The following FOXP1 variants were observed in gnomAD, a reference collection of about 807,000 sequenced individuals.
FOXP1 encodes forkhead box P1.
FOXP1 carries 15 observed loss-of-function variants against 98.2 expected under a neutral mutation model. The observed-to-expected ratio is 0.15, with a 90% confidence interval of 0.10 to 0.24. The LOEUF (loss-of-function observed/expected upper bound fraction) is 0.24, where lower values mean the gene tolerates loss of function less well. FOXP1 is among the 10% of genes least tolerant of loss of function. The probability of loss-of-function intolerance (pLI) is 1.00; values close to 1 mark genes in which losing one functional copy is unlikely to be tolerated. For synonymous variants in FOXP1, 371 were observed against 314.5 expected, an observed-to-expected ratio of 1.18 and a Z score of -1.90; for missense variants, 633 against 848.5, an observed-to-expected ratio of 0.75 and a Z score of 3.15.
At chr3:71,346,387 G>T (rs2077362699) in intron 4 of FOXP1, among the ~76,000 whole-genome samples, 1 of 152,154 alleles carries the variant, frequency 6.6e-6, no homozygotes, top group Non-Finnish European at 1.5e-5. Flanking sequence ...GGTGGAAGAG[G>T]CATTTTTTTC....
At chr3:71,505,206 A>G (rs2041714994) in intron 2 of FOXP1, among the ~76,000 whole-genome samples, 1 of 152,144 alleles carries the variant, frequency 6.6e-6, no homozygotes, top group Admixed American at 6.5e-5. Context: ...TCAGACCTCT[A>G]CGTTGCCTCC....
chr3:71,190,344 C>CA (rs1378910002), intron 6 of FOXP1, among the ~76,000 whole-genome samples: 1 of 151,960 alleles, frequency 6.6e-6, no homozygotes, highest in African/African-American at 2.4e-5. Flanking sequence ...GGTGTGGTGG[C>CA]ACATGTCTGT....
intron 3 of FOXP1, among the ~76,000 whole-genome samples, chr3:71,471,680 G>A (rs2089364368): frequency 1.3e-5 from 2 of 152,244 alleles, no homozygotes; most frequent in South Asian, 4.1e-4. Context: ...AAAAAAAAAG[G>A]TAGAAATGAG....
At position 70,959,313 on chromosome 3, in the gene FOXP1, G is replaced by A. The variant is rs2106856835; in HGVS notation, c.1968C>T (p.Asn656=). ...EGPLSLVTTA[N]HSPDFDHDRD... is the part of the protein sequence containing the mutation. ...TGTCATGGTCAAAATCTGGACTGTGGTTGGCTGTTGTCACTAAGGACAGGG... is the reference window on the plus strand; with the variant it reads ...TGTCATGGTCAAAATCTGGACTGTGATTGGCTGTTGTCACTAAGGACAGGG... The change falls in exon 21 of 21, where the codon AAC becomes AAT. Residue 656 remains asparagine, a synonymous_variant. Transcript: ENST00000649528. 2 of 1,613,978 alleles carry A rather than the reference G, an allele frequency of 1.2e-6. No individual in the cohort carries two copies. The highest frequency in any genetic ancestry group is 2.2e-5 in the South Asian group (2 of 91,060).
intron 4 of FOXP1, among the ~76,000 whole-genome samples, chr3:71,343,973 T>C (rs538502453): frequency 6.6e-6 from 1 of 152,350 alleles, no homozygotes; most frequent in East Asian, 1.9e-4. Flanking sequence ...AATAGATCTC[T>C]GTTTGGATAT....
intron 3 of FOXP1, among the ~76,000 whole-genome samples, chr3:71,423,395 T>C (rs1190472169): frequency 6.6e-6 from 1 of 152,128 alleles, no homozygotes; most frequent in African/African-American, 2.4e-5. Flanking sequence ...CCTGAAGCGG[T>C]GTTCCTTTGG....
chr3:71,389,846 T>C (rs944601976), intron 3 of FOXP1, among the ~76,000 whole-genome samples: 4 of 151,972 alleles, frequency 2.6e-5, no homozygotes, highest in Admixed American at 6.6e-5. Context: ...CTGTTAAATG[T>C]TGGCATTCTG....
intron 5 of FOXP1, among the ~76,000 whole-genome samples, chr3:71,297,500 A>C (rs959160940): frequency 1.6e-4 from 25 of 151,520 alleles, no homozygotes; most frequent in South Asian, 1.5e-3. Flanking sequence ...AAAAAAAAAA[A>C]AAAACAAAAC....
At chr3:71,462,261 A>G (rs762776572) in intron 3 of FOXP1, among the ~76,000 whole-genome samples, 18 of 152,228 alleles carry the variant, frequency 1.2e-4, no homozygotes, top group Non-Finnish European at 2.4e-4. Context: ...GTTATTTACC[A>G]TTTTGTTTGA....
intron 7 of FOXP1, among the ~76,000 whole-genome samples, chr3:71,097,892 G>C (rs748970343): frequency 9.2e-5 from 14 of 152,070 alleles, no homozygotes; most frequent in African/African-American, 2.7e-4. Context: ...TTTATCTTCT[G>C]GAAATGCTTG....
At chr3:71,540,262 G>A (rs79069759) in intron 2 of FOXP1, among the ~76,000 whole-genome samples, 1,658 of 152,324 alleles carry the variant, frequency 0.011, 25 homozygotes, top group African/African-American at 0.036. Context: ...AGAGTAAGCA[G>A]GAGAGGAAGC....
intron 2 of FOXP1, among the ~76,000 whole-genome samples, chr3:71,524,191 C>T (rs946284041): frequency 6.6e-6 from 1 of 151,990 alleles, no homozygotes; most frequent in African/African-American, 2.4e-5. Flanking sequence ...ATGGCAAAAC[C>T]CGTCTCTAGT....
Position 70,987,977 on chromosome 3 carries a change from T to TG in FOXP1, c.1146+16dup. 6.2e-7 allele frequency: 1 copy of TG among 1,611,086 alleles called. No individual in the cohort carries two copies. The highest frequency in any genetic ancestry group is 8.5e-7 in the Non-Finnish European group (1 of 1,177,326). On this transcript the variant is annotated intron_variant, in intron 14 of 20. Transcript: ENST00000649528. ...GTGAGTTTTGTTTTTTTCCCCTTGGTGGGGATCAATACTTACGGGCTGAGG... is the reference window on the plus strand; with the variant it reads ...GTGAGTTTTGTTTTTTTCCCCTTGGTGGGGGATCAATACTTACGGGCTGAGG...
intron 3 of FOXP1, among the ~76,000 whole-genome samples, chr3:71,448,071 C>G (rs182078276): frequency 6.6e-6 from 1 of 152,156 alleles, no homozygotes; most frequent in African/African-American, 2.4e-5. Flanking sequence ...TGCCTCTAAA[C>G]AACGCTTCCC....
At chr3:71,343,300 T>C (rs2077119571) in intron 4 of FOXP1, among the ~76,000 whole-genome samples, 1 of 152,344 alleles carries the variant, frequency 6.6e-6, no homozygotes, top group East Asian at 1.9e-4. Context: ...ATTCCTCTTC[T>C]TATGTGCATA....
chr3:71,264,737 T>TA (rs2069477699), intron 5 of FOXP1, among the ~76,000 whole-genome samples: 1 of 152,142 alleles, frequency 6.6e-6, no homozygotes, highest in African/African-American at 2.4e-5. Context: ...CAGCTGGAGG[T>TA]AAAGAATTAC....
intron 2 of FOXP1, chr3:71,572,908 A>C (rs2047444979): frequency 6.6e-6 from 1 of 152,226 alleles, no homozygotes; most frequent in Admixed American, 6.5e-5. Context: ...TATCAGCCTG[A>C]TTTCTTTTCT....
intron 17 of FOXP1, 50 bp from the exon 18 acceptor site, chr3:70,972,726 C>G (rs759079730): frequency 6.3e-7 from 1 of 1,595,090 alleles, no homozygotes; most frequent in East Asian, 2.2e-5. Context: ...TAAGAAAAGA[C>G]TCCAAAAACA....
rs2037927166 is a variant in FOXP1, at chr3:70,977,920, T to C, written c.1256A>G (p.Gln419Arg). The change falls in exon 15 of 21, where the codon CAA (glutamine) becomes CGA (arginine). Residue 419 changes from glutamine to arginine, a missense_variant. Gln to Arg is a conservative substitution (Grantham distance 43). Coordinates refer to ENST00000649528, the MANE Select transcript of FOXP1 (RefSeq NM_001349338.3). ...GGTGGTTGTGATGACAGAGGGGCCT[T>C]GGGTGACGGGAGTCAGGGGGGCGGT... Reference protein sequence around the residue: ...TPTAPLTPVTQGPSVITTTSM... With the variant: ...TPTAPLTPVTRGPSVITTTSM... 6.2e-7 allele frequency: 1 copy of C among 1,614,078 alleles called. No individual in the cohort carries two copies. Among genetic ancestry groups the C allele is most frequent in the Non-Finnish European group, 8.5e-7 (1 of 1,180,016 alleles).
Sources: allele counts gnomAD v4.1 joint callset (sites outside exome capture counted in the v4.1 genomes callset), GRCh38; gene constraint gnomAD v4.1.1; transcripts MANE v1.5; gene names NCBI Gene and HGNC (gene_info 2026-07-23, HGNC 2026-07-21).